SORD: variants seen among roughly 807,000 people sequenced by gnomAD.
SORD encodes the protein (R,R)-butanediol dehydrogenase.
Under a neutral mutation model 35.6 loss-of-function variants are expected in SORD, and 18 were observed. The observed-to-expected ratio is 0.51, with a 90% confidence interval of 0.35 to 0.75. SORD has a LOEUF of 0.75. SORD is among the 30% of genes least tolerant of loss of function. SORD has a pLI of 0.01. For missense variants in SORD, 250 were observed against 390.2 expected (o/e 0.64, Z 3.03); for synonymous variants, 106 against 152.9 (o/e 0.69, Z 2.26).
intron 3 of SORD, among the ~76,000 whole-genome samples, chr15:45,046,808 A>G (rs1298663313): frequency 6.6e-6 from 1 of 152,190 alleles, no homozygotes; most frequent in African/African-American, 2.4e-5. Flanking sequence ...ACTTGAGGTC[A>G]GGAGTTCAAG....
intron 3 of SORD, chr15:45,050,466 A>G (rs950852279): frequency 6.6e-6 from 1 of 152,260 alleles, no homozygotes; most frequent in Admixed American, 6.5e-5. Context: ...TGAGGTCAAA[A>G]GAACATGGAG....
At chr15:45,058,793 C>T (rs1893256830) in intron 3 of SORD, 1 of 152,214 alleles carries the variant, frequency 6.6e-6, no homozygotes. Context: ...TTATAAGAAA[C>T]TTCCCTTATC....
intron 3 of SORD, among the ~76,000 whole-genome samples, chr15:45,051,163 C>G (rs1360162533): frequency 6.6e-6 from 1 of 152,056 alleles, no homozygotes; most frequent in Admixed American, 6.6e-5. Context: ...AGGGTAGCTA[C>G]AGTTAAAAAC....
At chr15:45,060,906 G>A in intron 3 of SORD, 161 bp from the exon 4 acceptor site, 1 of 1,469,802 alleles carries the variant, frequency 6.8e-7, no homozygotes, top group South Asian at 1.3e-5. Context: ...GGCTCGTTAA[G>A]CTAGATTCTC....
chr15:45,034,139 T>C (rs1024603610), intron 1 of SORD, among the ~76,000 whole-genome samples: 2 of 151,556 alleles, frequency 1.3e-5, no homozygotes, highest in Admixed American at 1.3e-4. Flanking sequence ...TTGATTTTAC[T>C]TCTTTTGTAA....
Position 45,061,197 on chromosome 15 carries a change from C to G in SORD, c.396C>G (p.Phe132Leu). The G allele has an allele frequency of 6.2e-7, 1 of 1,614,226 alleles. No homozygotes were observed. The highest frequency in any genetic ancestry group is 1.1e-5 in the South Asian group (1 of 91,084). ...CCGATGACGGGAACCTCTGCCGGTT[C>G]TATAAGCACAATGCAGCCTTTTGTT... ...TPPDDGNLCR[F>L]YKHNAAFCYK... The change falls in exon 4 of 9, where the codon TTC (phenylalanine) becomes TTG (leucine). Residue 132 changes from phenylalanine to leucine, a missense_variant. Phe to Leu is a conservative substitution (Grantham distance 22, BLOSUM62 0). Around this residue, in one of 8 missense-constraint regions of SORD, gnomAD observed 126 missense variants for 148.7 expected, o/e 0.85. Transcript: ENST00000267814.
rs570962711 is a variant in SORD, at chr15:45,026,281, C to G, written c.66+2932C>G. 1.3e-4 allele frequency among the ~76,000 whole-genome samples: 20 copies of G among 152,270 alleles called. No individual in the cohort carries two copies. In the South Asian group the frequency reaches 4.1e-3, roughly 32 times the overall value. Reference sequence around the variant, plus strand: ...GAGATAGCAACTAGGAGGAACAATCCTGGGGAAGCTTTGAGGGGAACCACC... The same window carrying G: ...GAGATAGCAACTAGGAGGAACAATCGTGGGGAAGCTTTGAGGGGAACCACC... On this transcript the variant is annotated intron_variant, in intron 1 of 8. Coordinates refer to ENST00000267814, the MANE Select transcript of SORD (RefSeq NM_003104.6).
intron 7 of SORD, among the ~76,000 whole-genome samples, chr15:45,071,531 C>G (rs2467824): frequency 6.6e-6 from 1 of 152,148 alleles, no homozygotes; most frequent in Non-Finnish European, 1.5e-5. Context: ...GTTTAGCACC[C>G]AGAATGGTCC....
At chr15:45,065,605 C>T (rs1893391454) in intron 5 of SORD, among the ~76,000 whole-genome samples, 1 of 152,210 alleles carries the variant, frequency 6.6e-6, no homozygotes, top group African/African-American at 2.4e-5. Context: ...TCCTAGGCAA[C>T]ATAGCCCTTT....
rs541901835 is a variant in SORD, at chr15:45,072,738, G to A, written c.908+300G>A. Among the ~76,000 whole-genome samples, 958 of 140,090 alleles carry A rather than the reference G, an allele frequency of 6.8e-3. 110 individuals carry two copies. The highest frequency in any genetic ancestry group is 0.02 in the African/African-American group (635 of 31,118). 91.9% of individuals were successfully genotyped at this position (140,090 alleles called of 152,430 possible). On this transcript the variant is annotated intron_variant, in intron 8 of 8. Transcript: ENST00000267814. Reference sequence around the variant, plus strand: ...TTTTTTCCCCCTATTTTCTTAAGTTGCCAGGTCTCCATTTTCTCCCTTTAA... The same window carrying A: ...TTTTTTCCCCCTATTTTCTTAAGTTACCAGGTCTCCATTTTCTCCCTTTAA...
intron 5 of SORD, among the ~76,000 whole-genome samples, chr15:45,066,109 T>G (rs1427884341): frequency 9.3e-5 from 14 of 151,070 alleles, no homozygotes; most frequent in Non-Finnish European, 1.5e-5. Context: ...CCAGGCGTGG[T>G]GGTGCACCCC....
At chr15:45,037,754 G>T (rs574549040) in intron 1 of SORD, among the ~76,000 whole-genome samples, 1 of 151,220 alleles carries the variant, frequency 6.6e-6, no homozygotes, top group South Asian at 2.1e-4. Flanking sequence ...TGAACAATGA[G>T]AATACATGGA....
intron 4 of SORD, among the ~76,000 whole-genome samples, chr15:45,062,495 G>C (rs1196642575): frequency 3.2e-4 from 49 of 151,982 alleles, no homozygotes; most frequent in African/African-American, 1.2e-3. Context: ...AGCCAGGATG[G>C]GGCTTGTCCG....
intron 1 of SORD, among the ~76,000 whole-genome samples, chr15:45,028,291 C>T (rs886646274): frequency 6.6e-6 from 1 of 152,386 alleles, no homozygotes; most frequent in African/African-American, 2.4e-5. Flanking sequence ...CATGCCACTG[C>T]ACTGCAGCGT....
chr15:45,068,174 T>C lies in SORD; in HGVS notation c.545-7T>C. On this transcript the variant is annotated splice_polypyrimidine_tract_variant and splice_region_variant and intron_variant, in intron 5 of 8. Coordinates refer to ENST00000267814, the MANE Select transcript of SORD (RefSeq NM_003104.6). ...CACGAACATATTCCATCTTCTGCTT[T>C]GTTTAGGGCCAATCGGGATGGTCAC... 1 of 1,612,538 alleles carries C rather than the reference T, an allele frequency of 6.2e-7. No homozygotes were observed. The highest frequency in any genetic ancestry group is 8.5e-7 in the Non-Finnish European group (1 of 1,178,542).
intron 1 of SORD, among the ~76,000 whole-genome samples, chr15:45,025,203 T>G (rs1892650595): frequency 6.6e-6 from 1 of 152,232 alleles, no homozygotes; most frequent in Admixed American, 6.5e-5. Context: ...GGTTGTGTGC[T>G]GGAACACTAG....
chr15:45,034,431 G>C (rs1325310675), intron 1 of SORD, among the ~76,000 whole-genome samples: 3 of 152,138 alleles, frequency 2.0e-5, no homozygotes, highest in African/African-American at 7.2e-5. Flanking sequence ...CAGTTATGCA[G>C]GTGGAAGTAG....
At chr15:45,047,226 A>C (rs1458801210) in intron 3 of SORD, 1 of 152,098 alleles carries the variant, frequency 6.6e-6, no homozygotes, top group Non-Finnish European at 1.5e-5. Flanking sequence ...TTCACCACTT[A>C]TTTTAATGAG....
rs1157151061 is a variant in SORD at position 45,043,236 on chromosome 15, TTTC to T, written c.101-17_101-15del. On this transcript the variant is annotated intron_variant, in intron 2 of 8. Transcript: ENST00000267814. ...GGGTTGTTCCCTCTCTCACTGTTTT[TTTC>T]TTCCTTTCTTTTATCAGAGGTCTTG... 1.5e-6 allele frequency: 1 copy of T among 661,662 alleles called. No individual in the cohort carries two copies. Among genetic ancestry groups the T allele is most frequent in the Non-Finnish European group, 2.7e-6 (1 of 370,472 alleles). 41.0% of individuals were successfully genotyped at this position (661,662 alleles called of 1,614,324 possible). A position where few individuals can be genotyped will look rare whatever the true frequency, so the allele number is the denominator to read the frequency against.
Sources: gnomAD v4.1 joint callset for allele counts (sites outside exome capture counted in the v4.1 genomes callset) on GRCh38, gnomAD v4.1.1 for gene constraint, gnomAD v4.1.1 regional missense constraint, MANE v1.5 for transcripts, NCBI Gene and HGNC (gene_info 2026-07-23, HGNC 2026-07-21) for gene names.